SYNPR: variants seen among roughly 807,000 people sequenced by gnomAD.
SYNPR encodes the protein synaptoporin.
A neutral mutation model predicts 32.9 loss-of-function variants in SYNPR; 23 were observed. The observed-to-expected ratio is 0.70, with a 90% CI of 0.50 to 0.99. SYNPR has a LOEUF of 0.99. SYNPR is among the 50% of genes least tolerant of loss of function. The pLI, the probability that SYNPR is intolerant of heterozygous loss-of-function variation, is 0.00. For missense variants in SYNPR, 318 were observed against 349.3 expected (o/e 0.91, Z 0.71); for synonymous variants, 146 against 135.9 (o/e 1.07, Z -0.52).
At chr3:63,340,729 AT>A (rs893110967) in intron 2 of SYNPR, among the ~76,000 whole-genome samples, 2 of 152,136 alleles carry the variant, frequency 1.3e-5, no homozygotes, top group Non-Finnish European at 2.9e-5. Flanking sequence ...AATGTACTTT[AT>A]TTTTTAAAGC....
the SYNPR span, among the ~76,000 whole-genome samples, chr3:63,219,838 G>T: frequency 6.6e-6 from 1 of 152,170 alleles, no homozygotes; most frequent in Non-Finnish European, 1.5e-5. Flanking sequence ...TCCAGGGGTG[G>T]CAGAGGTGGA....
At chr3:63,335,010 G>C (rs750722520) in intron 2 of SYNPR, among the ~76,000 whole-genome samples, 2 of 152,172 alleles carry the variant, frequency 1.3e-5, no homozygotes, top group Non-Finnish European at 2.9e-5. Flanking sequence ...AGTCCAGGGA[G>C]AGACAACTGT....
At chr3:63,612,234 A>T (rs1446723737) in intron 5 of SYNPR, among the ~76,000 whole-genome samples, 1 of 152,254 alleles carries the variant, frequency 6.6e-6, no homozygotes, top group Non-Finnish European at 1.5e-5. Flanking sequence ...TATAAAAAAA[A>T]TACTTAGCAT....
At chr3:63,272,632 G>C (rs1344608354) in intron 3 of SYNPR, among the ~76,000 whole-genome samples, 1 of 150,934 alleles carries the variant, frequency 6.6e-6, no homozygotes, top group African/African-American at 2.4e-5. Context: ...CTCAATAAAA[G>C]TATCAAATAA....
At chr3:63,416,351 T>G (rs1165869145) in intron 2 of SYNPR, among the ~76,000 whole-genome samples, 1 of 151,884 alleles carries the variant, frequency 6.6e-6, no homozygotes, top group Non-Finnish European at 1.5e-5. Context: ...GGCAACATGG[T>G]GAAACCCTGC....
intron 1 of SYNPR, among the ~76,000 whole-genome samples, chr3:63,232,823 T>A (rs1386462719): frequency 6.6e-6 from 1 of 152,234 alleles, no homozygotes; most frequent in Non-Finnish European, 1.5e-5. Flanking sequence ...TATAGTCATT[T>A]GATTAAACTA....
chr3:63,347,353 G>A (rs2107011865), intron 2 of SYNPR, among the ~76,000 whole-genome samples: 2 of 152,280 alleles, frequency 1.3e-5, no homozygotes, highest in South Asian at 4.1e-4. Flanking sequence ...GTGATTTTTA[G>A]TAGGAGGTAG....
chr3:63,462,197 A>C (rs759412480), intron 2 of SYNPR, among the ~76,000 whole-genome samples: 10 of 152,052 alleles, frequency 6.6e-5, no homozygotes, highest in Non-Finnish European at 1.3e-4. Flanking sequence ...CTTTTGGGCC[A>C]GACAGACCCT....
intron 3 of SYNPR, among the ~76,000 whole-genome samples, chr3:63,506,872 C>CT (rs1701599126): frequency 6.6e-6 from 1 of 152,094 alleles, no homozygotes; most frequent in African/African-American, 2.4e-5. Flanking sequence ...AGAACCTTGG[C>CT]TTTATATGTG....
the SYNPR span, among the ~76,000 whole-genome samples, chr3:63,207,470 G>C: frequency 1.3e-5 from 2 of 152,140 alleles, no homozygotes; most frequent in Non-Finnish European, 2.9e-5. Flanking sequence ...GGAAACATTT[G>C]TCACTAACAT....
At chr3:63,521,638 C>T (rs1701915507) in intron 3 of SYNPR, among the ~76,000 whole-genome samples, 1 of 152,182 alleles carries the variant, frequency 6.6e-6, no homozygotes, top group South Asian at 2.1e-4. Context: ...TCACAAAGTG[C>T]TCCTGCAGCC....
chr3:63,463,444 G>C (rs1434522541), intron 2 of SYNPR, among the ~76,000 whole-genome samples: 1 of 152,116 alleles, frequency 6.6e-6, no homozygotes, highest in Non-Finnish European at 1.5e-5. Flanking sequence ...AAGTTCCTTG[G>C]AAATAGTAGC....
At chr3:63,395,023 T>G (rs1342785242) in intron 2 of SYNPR, among the ~76,000 whole-genome samples, 1 of 152,162 alleles carries the variant, frequency 6.6e-6, no homozygotes, top group Non-Finnish European at 1.5e-5. Context: ...GCGTGCTCCC[T>G]TAACTCACAC....
At chr3:63,332,638 G>T (rs1040320591) in intron 2 of SYNPR, among the ~76,000 whole-genome samples, 4 of 152,088 alleles carry the variant, frequency 2.6e-5, no homozygotes, top group African/African-American at 9.7e-5. Flanking sequence ...GATGTCTCAG[G>T]CTTCTTCGAT....
intron 2 of SYNPR, among the ~76,000 whole-genome samples, chr3:63,453,501 C>G (rs576840997): frequency 5.3e-4 from 80 of 152,224 alleles, no homozygotes; most frequent in Admixed American, 1.3e-3. Context: ...TCTTCAAACA[C>G]CAAGAGAAAA....
intron 1 of SYNPR, among the ~76,000 whole-genome samples, chr3:63,250,171 G>A (rs2086320120): frequency 6.6e-6 from 1 of 151,986 alleles, no homozygotes; most frequent in South Asian, 2.1e-4. Flanking sequence ...CAAAAAAGCT[G>A]GAAGAAAGAA....
At chr3:63,539,415 T>G (rs1702262105) in intron 3 of SYNPR, among the ~76,000 whole-genome samples, 1 of 152,118 alleles carries the variant, frequency 6.6e-6, no homozygotes, top group Non-Finnish European at 1.5e-5. Flanking sequence ...AATAGAAAAT[T>G]AATCTCATCA....
chr3:63,616,378 T>C lies in SYNPR; in HGVS notation c.*897T>C, dbSNP rs1053335193. The C allele has an allele frequency of 6.6e-6, 1 of 152,220 alleles. No homozygotes were observed. Among genetic ancestry groups the C allele is most frequent in the African/African-American group, 2.4e-5 (1 of 41,440 alleles). The allele number at this position is 152,220 out of a possible 1,614,324, so 9.4% of individuals were successfully genotyped here. ...TTTATGGAGTGTTGTTTTCTTAGAA[T>C]AATGGAGATGCAGATATAGATACCA... On this transcript the variant is annotated 3_prime_UTR_variant, in exon 6 of 6. Coordinates refer to ENST00000478300, the MANE Select transcript of SYNPR (RefSeq NM_001130003.2).
intron 2 of SYNPR, among the ~76,000 whole-genome samples, chr3:63,325,403 C>T (rs945806552): frequency 6.6e-6 from 1 of 152,136 alleles, no homozygotes; most frequent in South Asian, 2.1e-4. Context: ...ATCATCTACA[C>T]ACTCTCAGGA....
Sources: allele counts gnomAD v4.1 joint callset (sites outside exome capture counted in the v4.1 genomes callset), GRCh38; gene constraint gnomAD v4.1.1; transcripts MANE v1.5; gene names NCBI Gene and HGNC (gene_info 2026-07-23, HGNC 2026-07-21).